The following CTNNA3 variants were observed in gnomAD, a reference collection of about 807,000 sequenced individuals.
The protein encoded by CTNNA3 is catenin alpha 3, also known as catenin alpha-3.
Under a neutral mutation model 95.7 loss-of-function variants are expected in CTNNA3, and 76 were observed. The observed-to-expected ratio is 0.79, with a 90% CI of 0.66 to 0.96. The LOEUF is 0.96. Among genes scored for constraint, CTNNA3 ranks in the 40% least tolerant of loss-of-function variants. CTNNA3 has a pLI of 0.00. For missense variants in CTNNA3, 1,191 were observed against 1,089.8 expected, an observed-to-expected ratio of 1.09 and a Z score of -1.31; for synonymous variants, 431 against 374.4, an observed-to-expected ratio of 1.15 and a Z score of -1.74.
chr10:66,492,034 T>A (rs780275762), intron 11 of CTNNA3, among the ~76,000 whole-genome samples: 6 of 152,146 alleles, frequency 3.9e-5, no homozygotes, highest in Non-Finnish European at 1.5e-5. Flanking sequence ...AACACTTCAG[T>A]GGTTCCCTAG....
intron 13 of CTNNA3, among the ~76,000 whole-genome samples, chr10:66,217,008 A>C (rs1168436760): frequency 6.6e-6 from 1 of 152,206 alleles, no homozygotes. Flanking sequence ...CTAAACCCTG[A>C]TAACCACTTA....
At chr10:66,802,162 T>A (rs570734419) in intron 7 of CTNNA3, among the ~76,000 whole-genome samples, 10 of 151,748 alleles carry the variant, frequency 6.6e-5, no homozygotes, top group Non-Finnish European at 1.3e-4. Flanking sequence ...ATGTTTACAG[T>A]ATTGGAGAGG....
At chr10:66,424,259 C>T (rs1213072863) in intron 11 of CTNNA3, among the ~76,000 whole-genome samples, 1 of 151,962 alleles carries the variant, frequency 6.6e-6, no homozygotes, top group Non-Finnish European at 1.5e-5. Context: ...AAAGAATCAG[C>T]TTTAAGTACT....
chr10:67,396,355 T>C (rs1340563033), intron 5 of CTNNA3, among the ~76,000 whole-genome samples: 1 of 152,206 alleles, frequency 6.6e-6, no homozygotes, highest in Non-Finnish European at 1.5e-5. Flanking sequence ...ATTCAATAGA[T>C]ATTATCATTA....
intron 1 of CTNNA3, among the ~76,000 whole-genome samples, chr10:67,727,465 T>C (rs948280713): frequency 5.2e-5 from 7 of 133,538 alleles, no homozygotes; most frequent in Non-Finnish European, 1.1e-4. Flanking sequence ...ATATATATCA[T>C]ATATTATATA....
At chr10:67,505,687 T>C (rs1348688077) in intron 5 of CTNNA3, among the ~76,000 whole-genome samples, 2 of 152,180 alleles carry the variant, frequency 1.3e-5, no homozygotes, top group Non-Finnish European at 2.9e-5. Context: ...AGCACCTCAC[T>C]TGGAAAATCA....
chr10:66,658,212 TTCTCTCTCTCTCTTTCTC>T (rs1165228607), intron 9 of CTNNA3, among the ~76,000 whole-genome samples: 1 of 132,562 alleles, frequency 7.5e-6, no homozygotes, highest in Non-Finnish European at 1.6e-5. Context: ...GACTAGAAAA[TTCTCTCTCTCTCTTTCTC>T]TCTCTCTCTC....
intron 5 of CTNNA3, among the ~76,000 whole-genome samples, chr10:67,366,438 C>T (rs1285638700): frequency 1.3e-5 from 2 of 151,826 alleles, no homozygotes; most frequent in Middle Eastern, 3.4e-3. Flanking sequence ...GTCAGGAGTT[C>T]GAGGCCAGCC....
intron 7 of CTNNA3, among the ~76,000 whole-genome samples, chr10:67,080,835 G>A (rs934642807): frequency 4.0e-5 from 6 of 151,858 alleles, no homozygotes; most frequent in Admixed American, 3.9e-4. Flanking sequence ...CGTGAACCCG[G>A]GAGGCAGAGC....
chr10:67,627,974 T>G (rs982040943), intron 2 of CTNNA3, among the ~76,000 whole-genome samples: 5 of 151,738 alleles, frequency 3.3e-5, no homozygotes, highest in Admixed American at 2.0e-4. Context: ...GTTCAGAGAT[T>G]ATGTAAAGGT....
chr10:67,523,904 A>G (rs1840058932), intron 4 of CTNNA3, among the ~76,000 whole-genome samples: 1 of 152,180 alleles, frequency 6.6e-6, no homozygotes, highest in Non-Finnish European at 1.5e-5. Flanking sequence ...GATTCTAAAA[A>G]ATTTAAGTAA....
Position 66,377,081 on chromosome 10 carries a change from A to G in CTNNA3, c.1732+2071T>C, listed in dbSNP as rs2092801170. Reference sequence around the variant, plus strand: ...TTCCTTTTAGTAAGGCATGCTTTTCATAAATTTCAAAGAAGGCTATTTGGA... The same window carrying G: ...TTCCTTTTAGTAAGGCATGCTTTTCGTAAATTTCAAAGAAGGCTATTTGGA... On this transcript the variant is annotated intron_variant, in intron 12 of 17. Transcript: ENST00000433211. Among the ~76,000 whole-genome samples the G allele has an allele frequency of 2.0e-5, 3 of 152,158 alleles. 1 individual carries two copies. Among genetic ancestry groups the G allele is most frequent in the Admixed American group, 2.0e-4 (3 of 15,264 alleles).
At chr10:66,129,673 G>T (rs866820440) in intron 13 of CTNNA3, among the ~76,000 whole-genome samples, 1 of 152,034 alleles carries the variant, frequency 6.6e-6, no homozygotes, top group African/African-American at 2.4e-5. Flanking sequence ...CAGCCCCCAG[G>T]TACCTGTGGG....
chr10:66,111,628 A>T (rs577583172), intron 13 of CTNNA3, among the ~76,000 whole-genome samples: 1 of 152,224 alleles, frequency 6.6e-6, no homozygotes, highest in Non-Finnish European at 1.5e-5. Flanking sequence ...AGAATATTAG[A>T]TGGAGATGAA....
intron 9 of CTNNA3, among the ~76,000 whole-genome samples, chr10:66,631,863 T>C (rs1440623393): frequency 6.6e-6 from 1 of 152,146 alleles, no homozygotes; most frequent in Non-Finnish European, 1.5e-5. Context: ...AAAACTGTTA[T>C]TACTATTGAG....
chr10:66,108,519 A>T (rs574168127), intron 13 of CTNNA3, among the ~76,000 whole-genome samples: 26 of 151,156 alleles, frequency 1.7e-4, no homozygotes, highest in Admixed American at 9.2e-4. Flanking sequence ...CCTTTTCCCC[A>T]TTTCATTTAT....
intron 15 of CTNNA3, among the ~76,000 whole-genome samples, chr10:66,039,054 A>T (rs1263898789): frequency 6.6e-6 from 1 of 152,220 alleles, no homozygotes; most frequent in East Asian, 1.9e-4. Context: ...AAGTTTCAGC[A>T]TATAAAATCA....
chr10:66,657,794 A>G (rs995905487), intron 9 of CTNNA3, among the ~76,000 whole-genome samples: 1 of 152,236 alleles, frequency 6.6e-6, no homozygotes, highest in African/African-American at 2.4e-5. Context: ...TGAAAATCAG[A>G]TAGTTTTACT....
At chr10:66,505,398 C>G (rs1359257142) in intron 11 of CTNNA3, among the ~76,000 whole-genome samples, 1 of 152,180 alleles carries the variant, frequency 6.6e-6, no homozygotes, top group Non-Finnish European at 1.5e-5. Flanking sequence ...GCCATGTGTA[C>G]ATTTCTCTTC....
Sources: allele counts gnomAD v4.1 joint callset (sites outside exome capture counted in the v4.1 genomes callset), GRCh38; gene constraint gnomAD v4.1.1; transcripts MANE v1.5; gene names NCBI Gene and HGNC (gene_info 2026-07-23, HGNC 2026-07-21).